CCT5: variants seen among roughly 807,000 people sequenced by gnomAD.
CCT5 encodes chaperonin containing TCP1 subunit 5.
In CCT5, 6 loss-of-function variants were observed where a neutral mutation model predicts 55.0. The ratio of observed to expected loss-of-function variants is 0.11; its 90% CI spans 0.06 to 0.22. The LOEUF is 0.22. CCT5 is among the 10% of genes least tolerant of loss of function. CCT5 has a pLI of 1.00. For synonymous variants in CCT5, 231 were observed against 243.7 expected (o/e 0.95, Z 0.49); for missense variants, 560 against 694.6 (o/e 0.81, Z 2.18).
intron 1 of CCT5, 58 bp downstream of exon 1, chr5:10,250,503 T>G: frequency 1.2e-6 from 2 of 1,601,270 alleles, no homozygotes; most frequent in Non-Finnish European, 1.7e-6. Flanking sequence ...AGGCCGTGGC[T>G]CTGCGCCTGC....
At position 10,265,015 on chromosome 5, in the gene CCT5, C is replaced by T; in HGVS notation, c.*232C>T. On this transcript the variant is annotated 3_prime_UTR_variant, in exon 11 of 11. Coordinates refer to ENST00000280326, the MANE Select transcript of CCT5 (RefSeq NM_012073.5). Reference sequence around the variant, plus strand: ...TATTAAAAGAATCTGTTTAAACAACCTTTATCTTCTCTTCGGGTTTAAGAA... The same window carrying T: ...TATTAAAAGAATCTGTTTAAACAACTTTTATCTTCTCTTCGGGTTTAAGAA... The T allele has an allele frequency of 2.0e-6, 1 of 489,932 alleles. No individual in the cohort carries two copies. The highest frequency in any genetic ancestry group is 3.8e-5 in the Admixed American group (1 of 26,558). 30.3% of individuals were successfully genotyped at this position (489,932 alleles called of 1,614,324 possible).
intron 2 of CCT5, 187 bp from the exon 3 acceptor site, chr5:10,254,487 C>T: frequency 1.5e-6 from 1 of 650,192 alleles, no homozygotes. Context: ...AATGATGCTC[C>T]ATAATGTTTT....
At chr5:10,257,847 G>A in intron 4 of CCT5, 1 of 510,120 alleles carries the variant, frequency 2.0e-6, no homozygotes, top group East Asian at 3.6e-5. Flanking sequence ...CATTCATAAT[G>A]GAAGGAAATA....
At chr5:10,261,150 T>G (rs1745940399) in intron 7 of CCT5, 1 of 549,480 alleles carries the variant, frequency 1.8e-6, no homozygotes, top group East Asian at 3.5e-5. Context: ...CACTTGGCCC[T>G]GTCGTTGACT....
In CCT5 at chr5:10,264,642, C is replaced by T. The variant is rs772511157; in HGVS notation, c.1499-14C>T. On this transcript the variant is annotated splice_polypyrimidine_tract_variant and intron_variant, in intron 10 of 10. Coordinates refer to ENST00000280326, the MANE Select transcript of CCT5 (RefSeq NM_012073.5). Reference sequence around the variant, plus strand: ...ATGCTATTTTAGGATAATCAGTGTCCTTGTATTTTTCAGATATGAAGCAAC... The same window carrying T: ...ATGCTATTTTAGGATAATCAGTGTCTTTGTATTTTTCAGATATGAAGCAAC... 6.4e-7 allele frequency: 1 copy of T among 1,552,924 alleles called. No homozygotes were observed. Among genetic ancestry groups the T allele is most frequent in the Non-Finnish European group, 8.9e-7 (1 of 1,124,532 alleles).
chr5:10,263,520 A>G (rs1746081811), intron 10 of CCT5, among the ~76,000 whole-genome samples: 1 of 152,216 alleles, frequency 6.6e-6, no homozygotes, highest in Non-Finnish European at 1.5e-5. Flanking sequence ...TCATTGTAAT[A>G]ACAGTAAAGT....
intron 8 of CCT5, 196 bp from the exon 9 acceptor site, chr5:10,262,285 C>T: frequency 3.2e-6 from 2 of 622,628 alleles, no homozygotes; most frequent in East Asian, 2.9e-5. Flanking sequence ...TAGAATGAGT[C>T]ACTGGCCGCC....
In CCT5 at chr5:10,262,684, C is replaced by T. The variant is rs548402031; in HGVS notation, c.1317+66C>T. ...GCTGATGGTGGAGACTGTGAAGCTGCGGAACAGCGAGGTGCTGGATGCAAA... is the reference window on the plus strand; with the variant it reads ...GCTGATGGTGGAGACTGTGAAGCTGTGGAACAGCGAGGTGCTGGATGCAAA... On this transcript the variant is annotated intron_variant, in intron 9 of 10. Transcript: ENST00000280326. 98 of 1,563,948 alleles carry T rather than the reference C, an allele frequency of 6.3e-5. No homozygotes were observed. In the African/African-American group the frequency reaches 1.1e-3, roughly 17 times the overall value.
At chr5:10,262,321 C>A in intron 8 of CCT5, 160 bp from the exon 9 acceptor site, 1 of 792,838 alleles carries the variant, frequency 1.3e-6, no homozygotes, top group Non-Finnish European at 2.1e-6. Flanking sequence ...TTGTTAACTA[C>A]ATTGCAGGAA....
At chr5:10,254,061 G>A (rs1397024176) in intron 1 of CCT5, 84 bp from the exon 2 acceptor site, 1 of 893,256 alleles carries the variant, frequency 1.1e-6, no homozygotes, top group African/African-American at 1.6e-5. Context: ...TAAGTCATAA[G>A]TGATTTTTGT....
chr5:10,261,802 T>G, intron 8 of CCT5, 57 bp downstream of exon 8: 1 of 1,415,708 alleles, frequency 7.1e-7, no homozygotes, highest in Non-Finnish European at 1.0e-6. Context: ...TGGTCTGGCT[T>G]TTTTGCCTGT....
At chr5:10,261,990 T>A in intron 8 of CCT5, 1 of 484,576 alleles carries the variant, frequency 2.1e-6, no homozygotes, top group Non-Finnish European at 3.7e-6. Context: ...TATATCTTTT[T>A]AAATACTTAA....
At chr5:10,261,295 ATG>A (rs983717008) in intron 7 of CCT5, 81 of 523,718 alleles carry the variant, frequency 1.5e-4, no homozygotes, top group African/African-American at 1.5e-3. Context: ...GGCTGCACAG[ATG>A]GGAGATGAGG....
intron 1 of CCT5, 31 bp downstream of exon 1, chr5:10,250,476 C>A (rs1262197180): frequency 6.2e-7 from 1 of 1,610,614 alleles, no homozygotes; most frequent in African/African-American, 1.3e-5. Flanking sequence ...TCGCGGTGGG[C>A]TAAGGGGAGG....
upstream of CCT5, chr5:10,249,930 A>ACG: frequency 2.6e-6 from 2 of 756,008 alleles, no homozygotes. Context: ...AAAAAAAAAA[A>ACG]AAAACCGGAA....
At chr5:10,259,833 C>G (rs1449533988) in intron 6 of CCT5, among the ~76,000 whole-genome samples, 1 of 152,160 alleles carries the variant, frequency 6.6e-6, no homozygotes, top group East Asian at 1.9e-4. Flanking sequence ...GTTACTGGAT[C>G]GTGCTGGTGA....
chr5:10,250,483 G>T (rs767107026), intron 1 of CCT5, 38 bp downstream of exon 1: 2 of 1,609,004 alleles, frequency 1.2e-6, no homozygotes, highest in Non-Finnish European at 1.7e-6. Context: ...GGGCTAAGGG[G>T]AGGTGGCCGA....
chr5:10,249,929 A>AAC (rs1745271434), upstream of CCT5: 24 of 831,300 alleles, frequency 2.9e-5, no homozygotes, highest in African/African-American at 2.9e-4. Context: ...AAAAAAAAAA[A>AAC]AAAAACCGGA....
At chr5:10,250,594 C>G in intron 1 of CCT5, 149 bp downstream of exon 1, 1 of 1,476,262 alleles carries the variant, frequency 6.8e-7, no homozygotes, top group East Asian at 2.5e-5. Flanking sequence ...GGCCGCTCAG[C>G]CCGCTTACTG....
Sources: allele counts gnomAD v4.1 joint callset (sites outside exome capture counted in the v4.1 genomes callset), GRCh38; gene constraint gnomAD v4.1.1; transcripts MANE v1.5; gene names NCBI Gene and HGNC (gene_info 2026-07-23, HGNC 2026-07-21).